The following ABHD2 variants were observed in gnomAD, a reference collection of about 807,000 sequenced individuals.
The protein encoded by ABHD2 is monoacylglycerol lipase ABHD2.
Under a neutral mutation model 48.1 loss-of-function variants are expected in ABHD2, and 20 were observed. The observed-to-expected ratio is 0.42, with a 90% CI of 0.29 to 0.60. The LOEUF is 0.60. Ranked by LOEUF, ABHD2 falls within the 20% of genes least tolerant of loss-of-function variation. The pLI, the probability that ABHD2 is intolerant of heterozygous loss-of-function variation, is 0.24. For missense variants in ABHD2, 405 were observed against 550.9 expected (o/e 0.74, Z 2.65); for synonymous variants, 209 against 214.2 (o/e 0.98, Z 0.21).
Position 89,196,421 on chromosome 15 carries a change from G to A in ABHD2, c.*998G>A, listed in dbSNP as rs921293544. 6.6e-6 allele frequency: 1 copy of A among 152,120 alleles called. No individual in the cohort carries two copies. Among genetic ancestry groups the A allele is most frequent in the African/African-American group, 2.4e-5 (1 of 41,420 alleles). 9.4% of individuals were successfully genotyped at this position (152,120 alleles called of 1,614,324 possible). On this transcript the variant is annotated 3_prime_UTR_variant, in exon 11 of 11. Coordinates refer to ENST00000352732, the MANE Select transcript of ABHD2 (RefSeq NM_152924.5). ...CAATTTCTTCACCTCTAAAATGGGG[G>A]ACTTGGACCAGGTAGATTGCTGAGC... is the stretch of plus-strand genomic sequence containing the variant.
rs1226094947 is a variant in ABHD2, at chr15:89,177,874, A to T, written c.722+1879A>T. On this transcript the variant is annotated intron_variant, in intron 6 of 10. Coordinates refer to ENST00000352732, the MANE Select transcript of ABHD2 (RefSeq NM_152924.5). This position sits in a 1 kb window ranked among gnomAD's most constrained non-coding sequence, Gnocchi z 5.6. ...GTTTTGTTTTCTTTTTTTTCAATGC[A>T]CAAAATCTTAACACGACAATCCCTT... 6.6e-6 allele frequency among the ~76,000 whole-genome samples: 1 copy of T among 152,114 alleles called. No homozygotes were observed. Among genetic ancestry groups the T allele is most frequent in the Non-Finnish European group, 1.5e-5 (1 of 68,012 alleles).
Position 89,141,132 on chromosome 15 carries a change from C to CTAAT in ABHD2, c.195-10523_195-10520dup, listed in dbSNP as rs535482186. Among the ~76,000 whole-genome samples the CTAAT allele has an allele frequency of 2.4e-3, 369 of 152,000 alleles. 4 individuals carry two copies. The highest frequency in any genetic ancestry group is 6.0e-3 in the South Asian group (29 of 4,802). On this transcript the variant is annotated intron_variant, in intron 3 of 10. Transcript: ENST00000352732. Reference sequence around the variant, plus strand: ...CACAGGCATGTGCCACCACACCCAGCTAATTAATTAATTAATTAATTAATT... The same window carrying CTAAT: ...CACAGGCATGTGCCACCACACCCAGCTAATTAATTAATTAATTAATTAATTAATT...
intron 1 of ABHD2, among the ~76,000 whole-genome samples, chr15:89,099,564 G>A (rs1046495992): frequency 4.6e-5 from 7 of 152,266 alleles, no homozygotes; most frequent in African/African-American, 1.7e-4. Flanking sequence ...AGTGAGCTAT[G>A]ATTGCACCAC....
Position 89,116,240 on chromosome 15 carries a change from GCCCACCAT to G in ABHD2, c.-6-81_-6-74del, listed in dbSNP as rs2049957806. Reference sequence around the variant, plus strand: ...ACACCGTCACTGGCAGTATCTCTTAGCCCACCATGCGTCTGTAGGGTGGTGGGCACCAC... The same window carrying G: ...ACACCGTCACTGGCAGTATCTCTTAGGCGTCTGTAGGGTGGTGGGCACCAC... On this transcript the variant is annotated intron_variant, in intron 2 of 10. Transcript: ENST00000352732. The surrounding 1 kb of genome is among the most constrained non-coding windows in gnomAD (Gnocchi z 4.6). The G allele has an allele frequency of 7.5e-7, 1 of 1,332,472 alleles. No homozygotes were observed. The highest frequency in any genetic ancestry group is 2.3e-5 in the East Asian group (1 of 43,004). The allele number at this position is 1,332,472 out of a possible 1,614,324, so 82.5% of individuals were successfully genotyped here.
upstream of ABHD2, chr15:89,082,472 T>C (rs1261332569): frequency 6.6e-6 from 1 of 152,370 alleles, no homozygotes; most frequent in African/African-American, 2.4e-5. This position sits in a 1 kb window ranked among gnomAD's most constrained non-coding sequence, Gnocchi z 4.4. Flanking sequence ...CAAACTATCT[T>C]GTGTTCATCC....
At chr15:89,178,348 C>G (rs1203445457) in intron 6 of ABHD2, among the ~76,000 whole-genome samples, 1 of 151,954 alleles carries the variant, frequency 6.6e-6, no homozygotes, top group East Asian at 1.9e-4. Context: ...TTTTTCCTGC[C>G]AAGGCTTGAG....
rs1469666834 is a variant in ABHD2 at position 89,167,049 on chromosome 15, G to A, written c.539-8763G>A. On this transcript the variant is annotated intron_variant, in intron 5 of 10. Coordinates refer to ENST00000352732, the MANE Select transcript of ABHD2 (RefSeq NM_152924.5). The surrounding 1 kb of genome is among the most constrained non-coding windows in gnomAD (Gnocchi z 5.5). The stretch of plus-strand genomic sequence containing the variant: ...CAATACATTCCAGGACCCTCTTGGA[G>A]AGACTAGGATGTAGGGTTACCTACC... 6.6e-6 allele frequency among the ~76,000 whole-genome samples: 1 copy of A among 152,160 alleles called. No individual in the cohort carries two copies. The highest frequency in any genetic ancestry group is 2.4e-5 in the African/African-American group (1 of 41,430).
rs1308769393 is a variant in ABHD2, at chr15:89,195,554, A to G, written c.*131A>G. On this transcript the variant is annotated 3_prime_UTR_variant, in exon 11 of 11. Transcript: ENST00000352732. The surrounding 1 kb of genome is among the most constrained non-coding windows in gnomAD (Gnocchi z 5.1). ...ACACCATCAGCAGGGGGCACCCACC[A>G]TGCACACCTGTCTCGGAGTAGGCAG... 3.2e-6 allele frequency: 3 copies of G among 932,584 alleles called. No individual in the cohort carries two copies. The highest frequency in any genetic ancestry group is 1.8e-5 in the South Asian group (1 of 54,886). 57.8% of individuals were successfully genotyped at this position (932,584 alleles called of 1,614,324 possible). A position where few individuals can be genotyped will look rare whatever the true frequency, so the allele number is the denominator to read the frequency against.
chr15:89,182,701 G>A lies in ABHD2; in HGVS notation c.723-2723G>A, dbSNP rs558158720. Among the ~76,000 whole-genome samples, 9 of 152,306 alleles carry A rather than the reference G, an allele frequency of 5.9e-5. No homozygotes were observed. Among genetic ancestry groups the A allele is most frequent in the African/African-American group, 2.2e-4 (9 of 41,566 alleles). The stretch of plus-strand genomic sequence containing the variant: ...CCAGCTACTCGGGAGTCTGAAGCAG[G>A]AGAATCGCTTGAACCCAGGAGGTGG... On this transcript the variant is annotated intron_variant, in intron 6 of 10. Coordinates refer to ENST00000352732, the MANE Select transcript of ABHD2 (RefSeq NM_152924.5). The surrounding 1 kb of genome is among the most constrained non-coding windows in gnomAD (Gnocchi z 4.8).
chr15:89,079,380 CTT>C, the ABHD2 span, among the ~76,000 whole-genome samples: 1 of 152,160 alleles, frequency 6.6e-6, no homozygotes, highest in Non-Finnish European at 1.5e-5. The surrounding 1 kb of genome is among the most constrained non-coding windows in gnomAD (Gnocchi z 4.3). Context: ...CCTATGGTAA[CTT>C]GTGTTTCTTT....
At chr15:89,193,513 G>A (rs1023540037) in intron 10 of ABHD2, 194 bp downstream of exon 10, 2 of 602,880 alleles carry the variant, frequency 3.3e-6, no homozygotes, top group East Asian at 2.8e-5. Flanking sequence ...GGCCTCCCTC[G>A]TGTTCCTCCC....
the ABHD2 span, among the ~76,000 whole-genome samples, chr15:89,076,619 G>C: frequency 6.6e-6 from 1 of 152,070 alleles, no homozygotes; most frequent in Non-Finnish European, 1.5e-5. Flanking sequence ...AAGTAGCTGG[G>C]ACTACAGGTG....
chr15:89,191,260 T>C, intron 9 of ABHD2, 111 bp downstream of exon 9: 1 of 1,039,628 alleles, frequency 9.6e-7, no homozygotes, highest in Non-Finnish European at 1.4e-6. Flanking sequence ...GGAATCTGGC[T>C]CCAACCGCTC....
At chr15:89,080,551 C>T in the ABHD2 span, among the ~76,000 whole-genome samples, 2 of 152,078 alleles carry the variant, frequency 1.3e-5, no homozygotes, top group Non-Finnish European at 2.9e-5. Context: ...ATTTAATGTA[C>T]AAGACAGGAG....
chr15:89,053,246 A>G, the ABHD2 span, among the ~76,000 whole-genome samples: 1 of 152,034 alleles, frequency 6.6e-6, no homozygotes, highest in Non-Finnish European at 1.5e-5. Context: ...GATTACAGGC[A>G]TGAGCCACCG....
chr15:89,044,731 G>A, the ABHD2 span, among the ~76,000 whole-genome samples: 31 of 152,150 alleles, frequency 2.0e-4, no homozygotes, highest in African/African-American at 2.9e-4. Flanking sequence ...CACGTCCTTC[G>A]CCCACTTTTT....
At chr15:89,145,314 C>CT (rs1437212003) in intron 3 of ABHD2, among the ~76,000 whole-genome samples, 4 of 152,152 alleles carry the variant, frequency 2.6e-5, no homozygotes, top group African/African-American at 9.7e-5. Context: ...CTCAGATTTG[C>CT]TTTTAGAAAA....
chr15:89,157,656 A>T (rs757524715), intron 5 of ABHD2, among the ~76,000 whole-genome samples: 14 of 152,156 alleles, frequency 9.2e-5, no homozygotes, highest in Non-Finnish European at 1.9e-4. Context: ...ATCCTGGCTA[A>T]CATGGTGAAA....
chr15:89,076,465 A>T, the ABHD2 span, among the ~76,000 whole-genome samples: 2 of 152,038 alleles, frequency 1.3e-5, no homozygotes, highest in East Asian at 3.9e-4. Flanking sequence ...TGTCTTTTAC[A>T]GTTTAATTTT....
Sources: gnomAD v4.1 joint callset for allele counts (sites outside exome capture counted in the v4.1 genomes callset) on GRCh38, gnomAD v4.1.1 for gene constraint, Gnocchi (gnomAD v3.1) non-coding constraint, MANE v1.5 for transcripts, NCBI Gene and HGNC (gene_info 2026-07-23, HGNC 2026-07-21) for gene names.